The following SND1 variants were observed in gnomAD, a reference collection of about 807,000 sequenced individuals.
SND1 encodes staphylococcal nuclease domain-containing protein 1.
Under a neutral mutation model 121.7 loss-of-function variants are expected in SND1, and 38 were observed. The ratio of observed to expected loss-of-function variants is 0.31; its 90% CI spans 0.24 to 0.41. The LOEUF is 0.41. Ranked by LOEUF, SND1 falls within the 10% of genes least tolerant of loss-of-function variation. The pLI is 1.00. For missense variants in SND1, 868 were observed against 1,184.6 expected, an observed-to-expected ratio of 0.73 and a Z score of 3.92; for synonymous variants, 401 against 447.4, an observed-to-expected ratio of 0.90 and a Z score of 1.31.
At chr7:127,701,430 T>A (rs1796099121) in intron 5 of SND1, 107 bp downstream of exon 5, 7 of 1,159,194 alleles carry the variant, frequency 6.0e-6, no homozygotes, top group Non-Finnish European at 4.8e-6. Context: ...TTATACTTAT[T>A]TAGTATCCAT....
At chr7:127,702,594 C>T in intron 6 of SND1, 68 bp downstream of exon 6, 1 of 1,274,874 alleles carries the variant, frequency 7.8e-7, no homozygotes, top group Non-Finnish European at 1.1e-6. Flanking sequence ...GATTCTTCTA[C>T]TTGGGGACTT....
chr7:127,942,853 A>T (rs1365473026), intron 15 of SND1, among the ~76,000 whole-genome samples: 3 of 152,186 alleles, frequency 2.0e-5, no homozygotes, highest in Admixed American at 6.5e-5. Flanking sequence ...GTTGCATTTG[A>T]TGCTGATAAT....
intron 1 of SND1, among the ~76,000 whole-genome samples, chr7:127,658,312 C>G (rs895522799): frequency 6.6e-6 from 1 of 151,866 alleles, no homozygotes; most frequent in Non-Finnish European, 1.5e-5. Context: ...GAGACTGTGT[C>G]TCAAAAGAAA....
At chr7:128,088,144 G>A (rs979787394) in intron 21 of SND1, among the ~76,000 whole-genome samples, 10 of 152,170 alleles carry the variant, frequency 6.6e-5, no homozygotes, top group African/African-American at 2.2e-4. Context: ...CACAAAACAC[G>A]TCGGTGAAGA....
At chr7:128,036,122 T>C (rs1169817855) in intron 16 of SND1, among the ~76,000 whole-genome samples, 13 of 152,178 alleles carry the variant, frequency 8.5e-5, no homozygotes, top group African/African-American at 3.1e-4. Flanking sequence ...AAGATATCAA[T>C]TGGTGAATCA....
chr7:127,933,231 C>T (rs1003229677), intron 15 of SND1, among the ~76,000 whole-genome samples: 3 of 152,184 alleles, frequency 2.0e-5, no homozygotes, highest in African/African-American at 4.8e-5. Context: ...GTTGCTTAGA[C>T]ACAAGCAGTC....
rs114941372 is a variant in SND1 at position 128,078,172 on chromosome 7, G to A, written c.1969-3188G>A. Among the ~76,000 whole-genome samples the A allele has an allele frequency of 4.9e-3, 741 of 152,292 alleles. 10 individuals are homozygous for A. Among genetic ancestry groups the A allele is most frequent in the African/African-American group, 0.017 (701 of 41,558 alleles). The stretch of plus-strand genomic sequence containing the variant: ...TAAGGATGGGGACAAGGGCAACCAC[G>A]CCTGTCCCAGCTGACTGACTCCTTC... On this transcript the variant is annotated intron_variant, in intron 17 of 23. Transcript: ENST00000354725.
intron 16 of SND1, among the ~76,000 whole-genome samples, chr7:128,072,048 C>T (rs940475677): frequency 3.3e-5 from 5 of 152,210 alleles, no homozygotes; most frequent in African/African-American, 1.2e-4. Context: ...TGTGGCTGCT[C>T]ATTGCTGGGT....
intron 15 of SND1, among the ~76,000 whole-genome samples, chr7:127,985,220 A>G (rs549597707): frequency 6.6e-6 from 1 of 152,266 alleles, no homozygotes; most frequent in South Asian, 2.1e-4. Context: ...TTAGTGAGGG[A>G]TGTGTCCTGT....
At chr7:127,857,872 C>A in intron 12 of SND1, 1 of 1,313,440 alleles carries the variant, frequency 7.6e-7, no homozygotes, top group African/African-American at 1.4e-5. Context: ...AAAGTCAATG[C>A]GTTTGGAGTT....
At chr7:128,020,438 G>A (rs1008448142) in intron 16 of SND1, among the ~76,000 whole-genome samples, 3 of 152,210 alleles carry the variant, frequency 2.0e-5, no homozygotes, top group Non-Finnish European at 4.4e-5. Context: ...AGAGACTACA[G>A]GTAAGGTCTC....
chr7:127,707,045 G>A (rs1387023293), intron 8 of SND1, among the ~76,000 whole-genome samples: 1 of 152,028 alleles, frequency 6.6e-6, no homozygotes, highest in East Asian at 1.9e-4. Flanking sequence ...ATAAATTTCT[G>A]GCTACATAGG....
In SND1 at chr7:127,720,673, C is replaced by T. The variant is rs75675731; in HGVS notation, c.1039-614C>T. Among the ~76,000 whole-genome samples, 128 of 152,180 alleles carry T rather than the reference C, an allele frequency of 8.4e-4. 6 individuals carry two copies. In the East Asian group the frequency reaches 0.02, roughly 24 times the overall value. ...TCTTGGGTTCCAAAACAAAGATGTC[C>T]GTAGTAGTAGTGCTCTGAAAAGGTG... On this transcript the variant is annotated intron_variant, in intron 9 of 23. Transcript: ENST00000354725.
At chr7:127,874,620 A>AG (rs1011091650) in intron 12 of SND1, among the ~76,000 whole-genome samples, 2 of 152,106 alleles carry the variant, frequency 1.3e-5, no homozygotes, top group Non-Finnish European at 2.9e-5. Context: ...ATAGAGGAGC[A>AG]GAAAAAAAAA....
intron 20 of SND1, 74 bp from the exon 21 acceptor site, chr7:128,086,864 C>A: frequency 1.6e-6 from 2 of 1,239,620 alleles, no homozygotes; most frequent in Non-Finnish European, 2.4e-6. Context: ...GAGGCCTGGC[C>A]ACAGAGAGCT....
At position 128,072,285 on chromosome 7, in the gene SND1, T is replaced by A. The variant is rs538138330; in HGVS notation, c.1780-2217T>A. On this transcript the variant is annotated intron_variant, in intron 16 of 23. Transcript: ENST00000354725. ...AGAGCCACACTGGCCCACCACAAGC[T>A]GTCTAGTGGCCTGCCAGGCCTGGAG... Among the ~76,000 whole-genome samples, 9 of 152,342 alleles carry A rather than the reference T, an allele frequency of 5.9e-5. No individual in the cohort carries two copies. In the South Asian group the frequency reaches 1.9e-3, roughly 32 times the overall value.
intron 15 of SND1, among the ~76,000 whole-genome samples, chr7:127,962,847 C>A (rs1412972326): frequency 2.0e-5 from 3 of 152,166 alleles, no homozygotes; most frequent in Non-Finnish European, 4.4e-5. Flanking sequence ...CTACAACTTG[C>A]AATCAGGCAT....
intron 12 of SND1, chr7:127,858,338 G>A: frequency 7.6e-7 from 1 of 1,309,540 alleles, no homozygotes; most frequent in Non-Finnish European, 1.1e-6. Flanking sequence ...TCCTCCTCGG[G>A]CCCCCAGATG....
chr7:127,887,023 A>T (rs1799922253), intron 12 of SND1, among the ~76,000 whole-genome samples: 1 of 151,578 alleles, frequency 6.6e-6, no homozygotes. Context: ...TTCTTTTTTG[A>T]GATAGGGCCT....
Sources: gnomAD v4.1 joint callset for allele counts (sites outside exome capture counted in the v4.1 genomes callset) on GRCh38, gnomAD v4.1.1 for gene constraint, MANE v1.5 for transcripts, NCBI Gene and HGNC (gene_info 2026-07-23, HGNC 2026-07-21) for gene names.